Variants in ZNF486 observed in about 807,000 individuals in gnomAD.
The protein encoded by ZNF486 is zinc finger protein 486.
Under a neutral mutation model 12.8 loss-of-function variants are expected in ZNF486, and 12 were observed. That is an observed-to-expected ratio of 0.94 (90% CI 0.60 to 1.52). ZNF486 has a LOEUF of 1.52. ZNF486 is among the 40% of genes most tolerant of loss of function. The pLI is 0.00. For missense variants in ZNF486, 738 were observed against 545.0 expected, an observed-to-expected ratio of 1.35 and a Z score of -3.53; for synonymous variants, 231 against 184.9, an observed-to-expected ratio of 1.25 and a Z score of -2.02.
intron 3 of ZNF486, chr19:20,188,345 T>A: frequency 2.5e-6 from 1 of 398,098 alleles, no homozygotes; most frequent in Non-Finnish European, 4.4e-6. Context: ...AAAAAATTGT[T>A]TTAAAAACAC....
At position 20,177,985 on chromosome 19, in the gene ZNF486, G is replaced by A. The variant is rs904138320; in HGVS notation, c.31-6371G>A. ...ATCCCCCAGGCTGGAGTGTGATGGC[G>A]CAAACTTGGCTCGCTGCAACCTCTG... is the stretch of plus-strand genomic sequence containing the variant. On this transcript the variant is annotated intron_variant, in intron 1 of 3. Coordinates refer to ENST00000335117, the MANE Select transcript of ZNF486 (RefSeq NM_052852.4). 2.1e-4 allele frequency among the ~76,000 whole-genome samples: 31 copies of A among 150,920 alleles called. 1 individual carries two copies. Among genetic ancestry groups the A allele is most frequent in the Admixed American group, 5.9e-4 (9 of 15,158 alleles).
intron 3 of ZNF486, among the ~76,000 whole-genome samples, chr19:20,187,906 G>T (rs1358563035): frequency 6.6e-6 from 1 of 152,086 alleles, no homozygotes; most frequent in East Asian, 1.9e-4. Flanking sequence ...GTGTAGCTTG[G>T]TGACAAGGCT....
At chr19:20,187,053 G>A (rs1365841582) in intron 3 of ZNF486, among the ~76,000 whole-genome samples, 2 of 151,918 alleles carry the variant, frequency 1.3e-5, no homozygotes, top group East Asian at 1.9e-4. Flanking sequence ...AAAGTGCTGG[G>A]ATTACAGGCA....
intron 1 of ZNF486, among the ~76,000 whole-genome samples, chr19:20,178,407 C>A (rs1387164183): frequency 6.6e-6 from 1 of 151,936 alleles, no homozygotes; most frequent in African/African-American, 2.4e-5. Flanking sequence ...CCACACCTGG[C>A]TAATTTTTTG....
chr19:20,193,667 T>TA (rs1306643243), intron 3 of ZNF486, among the ~76,000 whole-genome samples: 6 of 150,806 alleles, frequency 4.0e-5, no homozygotes, highest in African/African-American at 9.7e-5. Flanking sequence ...TCTCAAAAAA[T>TA]AAAAAAAAAT....
At chr19:20,183,180 A>T (rs1265098835) in intron 1 of ZNF486, among the ~76,000 whole-genome samples, 3 of 152,204 alleles carry the variant, frequency 2.0e-5, no homozygotes, top group Non-Finnish European at 4.4e-5. Context: ...TGTAATCTGC[A>T]ATATTAAAAA....
intron 3 of ZNF486, among the ~76,000 whole-genome samples, chr19:20,194,369 T>C (rs529063407): frequency 6.6e-6 from 1 of 152,196 alleles, no homozygotes; most frequent in African/African-American, 2.4e-5. Context: ...GACAGCTTTT[T>C]AAAAAAATTA....
At chr19:20,191,775 C>CA (rs1247832152) in intron 3 of ZNF486, among the ~76,000 whole-genome samples, 1 of 151,760 alleles carries the variant, frequency 6.6e-6, no homozygotes, top group Non-Finnish European at 1.5e-5. Flanking sequence ...GTCTCAAAAA[C>CA]AAAGAAAAAA....
At chr19:20,190,740 C>T (rs1555717065) in intron 3 of ZNF486, among the ~76,000 whole-genome samples, 3 of 152,182 alleles carry the variant, frequency 2.0e-5, no homozygotes, top group Non-Finnish European at 4.4e-5. Context: ...ATACCAGATG[C>T]AAATAAGAAT....
chr19:20,167,570 C>G (rs1178388682), intron 1 of ZNF486, among the ~76,000 whole-genome samples: 1 of 152,176 alleles, frequency 6.6e-6, no homozygotes, highest in African/African-American at 2.4e-5. Flanking sequence ...TGCGCAGTGA[C>G]CGTGCCCTGG....
chr19:20,176,297 CTAG>C (rs2089713927), intron 1 of ZNF486: 1 of 189,488 alleles, frequency 5.3e-6, no homozygotes. Context: ...TCGTCACTTC[CTAG>C]ATGGGATGGC....
intron 3 of ZNF486, 22 bp from the exon 4 acceptor site, chr19:20,196,942 G>A (rs1317852581): frequency 1.4e-5 from 21 of 1,520,116 alleles, no homozygotes; most frequent in Non-Finnish European, 1.7e-5. Flanking sequence ...TTGAAGTAAT[G>A]TGTTTTTATT....
At chr19:20,179,596 C>G (rs1456487595) in intron 1 of ZNF486, among the ~76,000 whole-genome samples, 1 of 151,988 alleles carries the variant, frequency 6.6e-6, no homozygotes, top group African/African-American at 2.4e-5. Context: ...CCAAGTTGAT[C>G]CTACCTAGAA....
intron 3 of ZNF486, among the ~76,000 whole-genome samples, chr19:20,191,615 A>C (rs1319503904): frequency 6.7e-6 from 1 of 149,934 alleles, no homozygotes; most frequent in African/African-American, 2.5e-5. Flanking sequence ...TAAAAATATA[A>C]AAAAATTAGC....
intron 1 of ZNF486, among the ~76,000 whole-genome samples, chr19:20,177,953 GTC>G (rs1418296605): frequency 3.1e-5 from 4 of 128,968 alleles, no homozygotes; most frequent in African/African-American, 7.1e-5. Flanking sequence ...TTGAGACGAA[GTC>G]TCTCATCCCC....
chr19:20,179,290 T>TAAAA (rs1462463979), intron 1 of ZNF486, among the ~76,000 whole-genome samples: 1 of 152,152 alleles, frequency 6.6e-6, no homozygotes, highest in Non-Finnish European at 1.5e-5. Context: ...GTTATTTATG[T>TAAAA]AAATAAATAA....
intron 1 of ZNF486, among the ~76,000 whole-genome samples, chr19:20,181,318 T>G (rs2089782402): frequency 6.6e-6 from 1 of 152,086 alleles, no homozygotes; most frequent in Non-Finnish European, 1.5e-5. Flanking sequence ...GGCGGGCAGA[T>G]CATGAGGTCA....
chr19:20,167,454 A>G (rs1014510768), intron 1 of ZNF486, 94 bp downstream of exon 1: 1 of 1,434,726 alleles, frequency 7.0e-7, no homozygotes, highest in Non-Finnish European at 9.6e-7. Context: ...AGTCAGCTCC[A>G]CAATCTGCGT....
rs187020372 is a variant in ZNF486, at chr19:20,177,916, G to A, written c.31-6440G>A. Among the ~76,000 whole-genome samples, 26 of 147,460 alleles carry A rather than the reference G, an allele frequency of 1.8e-4. No individual in the cohort carries two copies. The East Asian group carries it at 4.6e-3, about 26-fold the overall frequency. On this transcript the variant is annotated intron_variant, in intron 1 of 3. Coordinates refer to ENST00000335117, the MANE Select transcript of ZNF486 (RefSeq NM_052852.4). ...TGTTCTATTATTGTGGAGTTTTTCT[G>A]GGGCTGTAAACATTTGTTCTTTTTT...
Sources: allele counts gnomAD v4.1 joint callset (sites outside exome capture counted in the v4.1 genomes callset), GRCh38; gene constraint gnomAD v4.1.1; transcripts MANE v1.5; gene names NCBI Gene and HGNC (gene_info 2026-07-23, HGNC 2026-07-21).